PLEKHA5: variants seen among roughly 807,000 people sequenced by gnomAD.
The protein encoded by PLEKHA5 is pleckstrin homology domain containing A5.
Under a neutral mutation model 181.9 loss-of-function variants are expected in PLEKHA5, and 55 were observed. The ratio of observed to expected loss-of-function variants is 0.30; its 90% CI spans 0.24 to 0.38. PLEKHA5 has a LOEUF of 0.38. Among genes scored for constraint, PLEKHA5 ranks in the 10% least tolerant of loss-of-function variants. PLEKHA5 has a pLI of 1.00. For missense variants in PLEKHA5, 1,432 were observed against 1,549.5 expected (o/e 0.92, Z 1.27); for synonymous variants, 535 against 529.4 (o/e 1.01, Z -0.15).
In PLEKHA5 at chr12:19,287,597, G is replaced by C. The variant is rs570483819; in HGVS notation, c.1863+41G>C. On this transcript the variant is annotated intron_variant, in intron 13 of 31. Transcript: ENST00000429027. Reference sequence around the variant, plus strand: ...ATTTACCATACCATGTTTTATTTATGTGCTGCACAGGAAGGTACATATCTA... The same window carrying C: ...ATTTACCATACCATGTTTTATTTATCTGCTGCACAGGAAGGTACATATCTA... 4.4e-4 allele frequency: 484 copies of C among 1,089,206 alleles called. 3 individuals are homozygous for C. The South Asian group carries it at 6.1e-3, about 14-fold the overall frequency. 67.5% of individuals were successfully genotyped at this position (1,089,206 alleles called of 1,614,324 possible).
intron 31 of PLEKHA5, chr12:19,372,399 T>G (rs961027806): frequency 5.9e-5 from 9 of 151,322 alleles, no homozygotes; most frequent in Non-Finnish European, 7.4e-5. Flanking sequence ...TTATTTGTTT[T>G]TGTTTTTTTT....
intron 3 of PLEKHA5, among the ~76,000 whole-genome samples, chr12:19,185,537 G>A (rs7962952): frequency 0.89 from 135,620 of 152,204 alleles, 61,205 homozygotes; most frequent in Non-Finnish European, 0.97. Context: ...GGTAAAGAAC[G>A]GAGACAGATA....
chr12:19,343,467 A>T, intron 22 of PLEKHA5, 33 bp downstream of exon 22: 2 of 1,182,768 alleles, frequency 1.7e-6, no homozygotes, highest in Non-Finnish European at 2.5e-6. Flanking sequence ...TTTGTGACTG[A>T]CCACAGTATT....
intron 12 of PLEKHA5, among the ~76,000 whole-genome samples, chr12:19,286,963 TCAAAAAA>T (rs1295619973): frequency 2.7e-4 from 33 of 122,412 alleles, no homozygotes; most frequent in Admixed American, 1.0e-3. Flanking sequence ...AGACTCTGCT[TCAAAAAA>T]CAAAAAAAAA....
chr12:19,163,565 C>A (rs2043503124), intron 3 of PLEKHA5, among the ~76,000 whole-genome samples: 1 of 152,156 alleles, frequency 6.6e-6, no homozygotes, highest in African/African-American at 2.4e-5. Context: ...TATGTACCTT[C>A]AAATGTTATC....
At chr12:19,141,455 T>C (rs578156390) in intron 3 of PLEKHA5, among the ~76,000 whole-genome samples, 194 of 152,268 alleles carry the variant, frequency 1.3e-3, no homozygotes, top group African/African-American at 4.5e-3. Context: ...CAGTTCATCA[T>C]TGGAAGTCAA....
intron 3 of PLEKHA5, among the ~76,000 whole-genome samples, chr12:19,229,948 G>A (rs1008803322): frequency 1.2e-4 from 18 of 152,158 alleles, no homozygotes; most frequent in African/African-American, 4.3e-4. Flanking sequence ...GCTGATTGGT[G>A]TGTTTACAAA....
At chr12:19,282,746 T>G (rs1035005134) in intron 11 of PLEKHA5, among the ~76,000 whole-genome samples, 2 of 152,220 alleles carry the variant, frequency 1.3e-5, no homozygotes, top group African/African-American at 2.4e-5. Flanking sequence ...CTCTTTCATC[T>G]TTAAATCAAA....
chr12:19,185,058 A>G (rs2049505423), intron 3 of PLEKHA5, among the ~76,000 whole-genome samples: 1 of 151,946 alleles, frequency 6.6e-6, no homozygotes, highest in Non-Finnish European at 1.5e-5. Flanking sequence ...TTAGATTTAA[A>G]TCGACATTTT....
intron 25 of PLEKHA5, among the ~76,000 whole-genome samples, chr12:19,349,639 G>A (rs2094495891): frequency 1.3e-5 from 2 of 151,890 alleles, no homozygotes; most frequent in South Asian, 2.1e-4. Flanking sequence ...AGGGGTGGTG[G>A]CTAACGCCTG....
intron 3 of PLEKHA5, among the ~76,000 whole-genome samples, chr12:19,234,488 C>T (rs952954619): frequency 3.3e-5 from 5 of 152,162 alleles, no homozygotes; most frequent in African/African-American, 1.2e-4. Context: ...GTGCTGGTAA[C>T]TTCATAAGCC....
chr12:19,353,854 TG>T (rs1279554937), intron 25 of PLEKHA5, 29 bp from the exon 26 acceptor site: 1 of 987,366 alleles, frequency 1.0e-6, no homozygotes, highest in African/African-American at 1.6e-5. Flanking sequence ...AAAGATGTTT[TG>T]TAAAACTTAC....
intron 8 of PLEKHA5, among the ~76,000 whole-genome samples, chr12:19,268,936 T>G (rs1192099136): frequency 6.6e-6 from 1 of 152,160 alleles, no homozygotes; most frequent in Non-Finnish European, 1.5e-5. Context: ...TGTGTTTGGG[T>G]GTAGATACCT....
At chr12:19,251,756 A>C (rs2065379893) in intron 3 of PLEKHA5, among the ~76,000 whole-genome samples, 1 of 151,420 alleles carries the variant, frequency 6.6e-6, no homozygotes, top group Admixed American at 6.6e-5. Context: ...AAAAAAAAAA[A>C]AAAAAAACTT....
At chr12:19,277,114 A>C (rs1167026719) in intron 11 of PLEKHA5, among the ~76,000 whole-genome samples, 6 of 152,174 alleles carry the variant, frequency 3.9e-5, no homozygotes, top group Non-Finnish European at 7.3e-5. Context: ...ATAAATTAAT[A>C]CAATGTGATT....
chr12:19,344,050 A>C (rs1430932452), intron 22 of PLEKHA5, among the ~76,000 whole-genome samples: 4 of 79,492 alleles, frequency 5.0e-5, no homozygotes, highest in East Asian at 8.6e-4. Flanking sequence ...AAACTGTCCC[A>C]AAAAAAAAAA....
intron 3 of PLEKHA5, among the ~76,000 whole-genome samples, chr12:19,251,382 G>A (rs2065228452): frequency 6.8e-6 from 1 of 146,234 alleles, no homozygotes; most frequent in Non-Finnish European, 1.5e-5. Flanking sequence ...ACTGCAGCCT[G>A]GGCAACAGAG....
chr12:19,309,752 AAAAT>A (rs1357598170), intron 15 of PLEKHA5, among the ~76,000 whole-genome samples: 15 of 152,242 alleles, frequency 9.9e-5, no homozygotes, highest in African/African-American at 3.4e-4. Flanking sequence ...CTCAAAAAAA[AAAAT>A]AATAAAATCT....
At chr12:19,368,136 C>T (rs1413944345) in intron 30 of PLEKHA5, among the ~76,000 whole-genome samples, 1 of 151,984 alleles carries the variant, frequency 6.6e-6, no homozygotes, top group Non-Finnish European at 1.5e-5. Flanking sequence ...ATTTATATTA[C>T]CAGTCATGTT....
Sources: gnomAD v4.1 joint callset for allele counts (sites outside exome capture counted in the v4.1 genomes callset) on GRCh38, gnomAD v4.1.1 for gene constraint, MANE v1.5 for transcripts, NCBI Gene and HGNC (gene_info 2026-07-23, HGNC 2026-07-21) for gene names.